The following NRXN3 variants were observed in gnomAD, a reference collection of about 807,000 sequenced individuals.
The protein encoded by NRXN3 is neurexin III.
NRXN3 carries 32 observed loss-of-function variants against 137.6 expected under a neutral mutation model. That is an observed-to-expected ratio of 0.23 (90% CI 0.18 to 0.31). The LOEUF is 0.31. NRXN3 is among the 10% of genes least tolerant of loss of function. The pLI is 1.00. For synonymous variants in NRXN3, 798 were observed against 784.5 expected, an observed-to-expected ratio of 1.02 and a Z score of -0.29; for missense variants, 1,574 against 2,062.5, an observed-to-expected ratio of 0.76 and a Z score of 4.59.
At chr14:79,010,515 A>C (rs1425996709) in intron 15 of NRXN3, among the ~76,000 whole-genome samples, 1 of 152,240 alleles carries the variant, frequency 6.6e-6, no homozygotes, top group African/African-American at 2.4e-5. Context: ...AGGTGACTAA[A>C]GAATTTCACA....
At chr14:78,285,946 T>A (rs1310526588) in intron 3 of NRXN3, among the ~76,000 whole-genome samples, 1 of 152,122 alleles carries the variant, frequency 6.6e-6, no homozygotes, top group Non-Finnish European at 1.5e-5. Context: ...CCCTGGCTCC[T>A]GTAGCTGTTC....
At chr14:78,289,408 AAT>A (rs1179107317) in intron 3 of NRXN3, among the ~76,000 whole-genome samples, 1 of 152,158 alleles carries the variant, frequency 6.6e-6, no homozygotes, top group Non-Finnish European at 1.5e-5. Context: ...AGTCCTGCCC[AAT>A]ATGTTGCTTG....
intron 4 of NRXN3, among the ~76,000 whole-genome samples, chr14:78,598,375 A>G (rs968973012): frequency 5.9e-5 from 9 of 151,688 alleles, no homozygotes; most frequent in African/African-American, 2.2e-4. Context: ...CTGCAGAGAG[A>G]GAGAGAGAGG....
At chr14:79,257,013 C>A (rs908235454) in intron 15 of NRXN3, among the ~76,000 whole-genome samples, 5 of 152,180 alleles carry the variant, frequency 3.3e-5, no homozygotes, top group African/African-American at 2.4e-5. Context: ...TGGCTGCTGT[C>A]TTATTTGTCC....
At chr14:78,684,510 T>C (rs889799343) in intron 6 of NRXN3, among the ~76,000 whole-genome samples, 1 of 152,112 alleles carries the variant, frequency 6.6e-6, no homozygotes, top group African/African-American at 2.4e-5. Context: ...ATGTGGTAAA[T>C]AGAAAATTCT....
At chr14:79,031,821 T>C (rs1490385092) in intron 15 of NRXN3, among the ~76,000 whole-genome samples, 1 of 152,176 alleles carries the variant, frequency 6.6e-6, no homozygotes, top group Admixed American at 6.6e-5. Flanking sequence ...CATTGGACCA[T>C]ATGTAAATTA....
In NRXN3 at chr14:79,865,594, A is replaced by T. The variant is rs72683312; in HGVS notation, c.*3630A>T. On this transcript the variant is annotated 3_prime_UTR_variant, in exon 21 of 21. Coordinates refer to ENST00000335750, the MANE Select transcript of NRXN3 (RefSeq NM_001330195.2). Reference sequence around the variant, plus strand: ...AGGTTCAGTGATGTCAAATTATGTAAAGTTTTTTTTTTGTTCCTGTCTTCA... The same window carrying T: ...AGGTTCAGTGATGTCAAATTATGTATAGTTTTTTTTTTGTTCCTGTCTTCA... The T allele has an allele frequency of 6.6e-6, 1 of 151,950 alleles. No individual in the cohort carries two copies. The highest frequency in any genetic ancestry group is 2.4e-5 in the African/African-American group (1 of 41,354). The allele number at this position is 151,950 out of a possible 1,614,324, so 9.4% of individuals were successfully genotyped here. A position where few individuals can be genotyped will look rare whatever the true frequency, so the allele number is the denominator to read the frequency against.
chr14:79,637,889 C>A (rs2098413730), intron 16 of NRXN3, among the ~76,000 whole-genome samples: 1 of 102,942 alleles, frequency 9.7e-6, no homozygotes, highest in Admixed American at 8.2e-5. Context: ...GCCACCATGC[C>A]TGGCTAATAT....
intron 1 of NRXN3, among the ~76,000 whole-genome samples, chr14:78,232,922 G>A (rs1311333190): frequency 6.6e-6 from 1 of 152,220 alleles, no homozygotes; most frequent in Non-Finnish European, 1.5e-5. Flanking sequence ...GTTCCTGGCT[G>A]TACTGAGGTT....
intron 16 of NRXN3, among the ~76,000 whole-genome samples, chr14:79,603,621 C>A (rs1204662179): frequency 2.0e-5 from 3 of 150,222 alleles, no homozygotes; most frequent in Non-Finnish European, 3.0e-5. Flanking sequence ...ATATTTTTTT[C>A]CTTTTGTGGG....
intron 5 of NRXN3, among the ~76,000 whole-genome samples, chr14:78,648,173 G>A (rs574600742): frequency 6.6e-6 from 1 of 152,302 alleles, no homozygotes; most frequent in South Asian, 2.1e-4. Flanking sequence ...AACTATAACT[G>A]GGATTAGGGA....
At chr14:78,427,041 C>T (rs1405650570) in intron 4 of NRXN3, among the ~76,000 whole-genome samples, 1 of 151,818 alleles carries the variant, frequency 6.6e-6, no homozygotes, top group African/African-American at 2.4e-5. Context: ...TTTTAAAAGC[C>T]CCAAGGAGGA....
intron 16 of NRXN3, among the ~76,000 whole-genome samples, chr14:79,654,800 G>T (rs1165082377): frequency 6.6e-6 from 1 of 152,090 alleles, no homozygotes; most frequent in Non-Finnish European, 1.5e-5. Flanking sequence ...GACTGAAAAT[G>T]CCTTACTTAT....
chr14:78,658,425 AG>A (rs1465219989), intron 6 of NRXN3, among the ~76,000 whole-genome samples: 1 of 152,208 alleles, frequency 6.6e-6, no homozygotes, highest in East Asian at 1.9e-4. Context: ...CACTATACAA[AG>A]GTTAATGAAG....
intron 15 of NRXN3, among the ~76,000 whole-genome samples, chr14:79,096,459 A>G (rs2050354089): frequency 6.6e-6 from 1 of 152,008 alleles, no homozygotes; most frequent in African/African-American, 2.4e-5. Flanking sequence ...ATCAACTAGC[A>G]TGCAGGTAAT....
intron 16 of NRXN3, among the ~76,000 whole-genome samples, chr14:79,599,087 T>C (rs575183287): frequency 1.3e-5 from 2 of 152,348 alleles, no homozygotes; most frequent in African/African-American, 4.8e-5. Flanking sequence ...TTTTTTGACA[T>C]CTATTCAGTA....
chr14:79,510,292 T>C (rs1298250420), intron 16 of NRXN3, among the ~76,000 whole-genome samples: 1 of 152,194 alleles, frequency 6.6e-6, no homozygotes, highest in African/African-American at 2.4e-5. Flanking sequence ...TGTATGCCAT[T>C]GGAGTCAGGC....
chr14:78,985,102 C>G (rs1438674677), intron 14 of NRXN3, among the ~76,000 whole-genome samples: 2 of 152,128 alleles, frequency 1.3e-5, no homozygotes, highest in Non-Finnish European at 2.9e-5. Flanking sequence ...GTATTTGGTC[C>G]CTGATGAACT....
chr14:78,217,503 C>T (rs1303417374), intron 1 of NRXN3, among the ~76,000 whole-genome samples: 1 of 152,068 alleles, frequency 6.6e-6, no homozygotes, highest in Non-Finnish European at 1.5e-5. Flanking sequence ...TAATAGCACT[C>T]AGGTTGAGAA....
Sources: gnomAD v4.1 joint callset for allele counts (sites outside exome capture counted in the v4.1 genomes callset) on GRCh38, gnomAD v4.1.1 for gene constraint, MANE v1.5 for transcripts, NCBI Gene and HGNC (gene_info 2026-07-23, HGNC 2026-07-21) for gene names.